Variants in GXYLT2 observed in about 807,000 individuals in gnomAD.
GXYLT2 encodes glucoside xylosyltransferase 2.
A neutral mutation model predicts 45.8 loss-of-function variants in GXYLT2; 53 were observed. The observed-to-expected ratio is 1.16, with a 90% CI of 0.93 to 1.46. GXYLT2 has a LOEUF of 1.46. Ranked by LOEUF, GXYLT2 falls within the 40% of genes most tolerant of loss-of-function variation. GXYLT2 has a pLI of 0.00. For synonymous variants in GXYLT2, 219 were observed against 214.2 expected, an observed-to-expected ratio of 1.02 and a Z score of -0.19; for missense variants, 551 against 544.4, an observed-to-expected ratio of 1.01 and a Z score of -0.12.
intron 1 of GXYLT2, among the ~76,000 whole-genome samples, chr3:72,904,096 T>C (rs570509929): frequency 2.0e-4 from 31 of 152,356 alleles, no homozygotes; most frequent in African/African-American, 7.2e-4. Flanking sequence ...TTAAAATTCC[T>C]GGACAGCAAA....
At chr3:72,949,544 G>T (rs1710476839) in intron 3 of GXYLT2, among the ~76,000 whole-genome samples, 1 of 97,406 alleles carries the variant, frequency 1.0e-5, no homozygotes, top group African/African-American at 4.1e-5. Context: ...ATGGAGTCTT[G>T]CTCCATCACC....
At chr3:72,924,600 T>C (rs1043044413) in intron 3 of GXYLT2, among the ~76,000 whole-genome samples, 1 of 152,154 alleles carries the variant, frequency 6.6e-6, no homozygotes, top group Non-Finnish European at 1.5e-5. Context: ...CTCTGGTTTA[T>C]GGCAGCGCAG....
chr3:72,959,358 T>C (rs1348405793), intron 5 of GXYLT2, among the ~76,000 whole-genome samples: 3 of 151,800 alleles, frequency 2.0e-5, no homozygotes. Context: ...CCTCATGTGA[T>C]CCACCTGCCT....
chr3:72,970,840 C>G (rs544787562), intron 6 of GXYLT2, among the ~76,000 whole-genome samples: 12 of 152,234 alleles, frequency 7.9e-5, no homozygotes, highest in African/African-American at 2.9e-4. Context: ...CCAGCCTGGG[C>G]AACAAGAGTG....
At chr3:72,909,199 G>C (rs1353800371) in intron 2 of GXYLT2, among the ~76,000 whole-genome samples, 3 of 150,584 alleles carry the variant, frequency 2.0e-5, no homozygotes, top group African/African-American at 7.3e-5. Context: ...CTCCCGAGTA[G>C]CTGTGATTAC....
At chr3:72,921,903 C>T (rs1335808083) in intron 2 of GXYLT2, among the ~76,000 whole-genome samples, 1 of 152,116 alleles carries the variant, frequency 6.6e-6, no homozygotes, top group Non-Finnish European at 1.5e-5. Context: ...CCTTGTACCT[C>T]TGTCTTTTGG....
intron 1 of GXYLT2, among the ~76,000 whole-genome samples, chr3:72,895,449 C>T (rs578200091): frequency 6.6e-6 from 1 of 152,276 alleles, no homozygotes; most frequent in South Asian, 2.1e-4. Context: ...TATGTAGCAC[C>T]TGCTTTTAAC....
At chr3:72,967,847 C>T (rs1317122693) in intron 6 of GXYLT2, 128 bp downstream of exon 6, 3 of 704,156 alleles carry the variant, frequency 4.3e-6, no homozygotes, top group South Asian at 3.6e-5. Flanking sequence ...TATTCCCGAC[C>T]TCAGTCACGC....
intron 2 of GXYLT2, among the ~76,000 whole-genome samples, chr3:72,915,596 G>A (rs143886277): frequency 0.033 from 4,991 of 152,066 alleles, 270 homozygotes; most frequent in African/African-American, 0.11. Context: ...CAGCGCTTTC[G>A]GAGGCCAAGG....
At chr3:72,964,345 C>T (rs1371617036) in intron 5 of GXYLT2, among the ~76,000 whole-genome samples, 1 of 151,274 alleles carries the variant, frequency 6.6e-6, no homozygotes, top group East Asian at 1.9e-4. Flanking sequence ...TTTTTTGAGA[C>T]AGAGTCTTGC....
intron 3 of GXYLT2, 89 bp from the exon 4 acceptor site, chr3:72,955,009 C>A: frequency 7.4e-7 from 1 of 1,349,264 alleles, no homozygotes; most frequent in Non-Finnish European, 1.0e-6. Flanking sequence ...GCATTATTTA[C>A]CTATCAGGCT....
chr3:72,902,218 T>A (rs1407893250), intron 1 of GXYLT2, among the ~76,000 whole-genome samples: 1 of 152,180 alleles, frequency 6.6e-6, no homozygotes, highest in African/African-American at 2.4e-5. Flanking sequence ...AACTTCTGGG[T>A]CATATGGTAC....
At chr3:72,909,385 A>G (rs1006079305) in intron 2 of GXYLT2, among the ~76,000 whole-genome samples, 3 of 151,428 alleles carry the variant, frequency 2.0e-5, no homozygotes, top group South Asian at 4.2e-4. Flanking sequence ...TTTTTTCCCC[A>G]TATATAGTTG....
intron 3 of GXYLT2, among the ~76,000 whole-genome samples, chr3:72,945,262 T>C (rs917906235): frequency 2.0e-5 from 3 of 151,656 alleles, no homozygotes; most frequent in African/African-American, 4.8e-5. Context: ...CACTCCAGCC[T>C]GGGCGACTGA....
At chr3:72,939,479 A>G (rs1710258068) in intron 3 of GXYLT2, among the ~76,000 whole-genome samples, 1 of 152,174 alleles carries the variant, frequency 6.6e-6, no homozygotes, top group Non-Finnish European at 1.5e-5. Context: ...AGCATTATAT[A>G]GCAACATTAT....
chr3:72,942,918 C>T (rs1352491674), intron 3 of GXYLT2, among the ~76,000 whole-genome samples: 1 of 152,040 alleles, frequency 6.6e-6, no homozygotes, highest in Non-Finnish European at 1.5e-5. Context: ...GTATTTATAC[C>T]AGGGTTAATT....
chr3:72,889,528 C>T (rs1336109999), intron 1 of GXYLT2, among the ~76,000 whole-genome samples: 3 of 152,158 alleles, frequency 2.0e-5, no homozygotes, highest in Non-Finnish European at 2.9e-5. Flanking sequence ...CAAATGGGTA[C>T]TGACAAGTTT....
intron 3 of GXYLT2, chr3:72,929,013 G>T: frequency 7.5e-7 from 1 of 1,338,848 alleles, no homozygotes; most frequent in Non-Finnish European, 1.1e-6. Flanking sequence ...GCGCCGCGCA[G>T]CCACCGCCGC....
rs1710623152 is a variant in GXYLT2, at chr3:72,955,494, A to T, written c.852+145A>T. 8.8e-6 allele frequency: 6 copies of T among 682,332 alleles called. No homozygotes were observed. The East Asian group carries it at 1.6e-4, about 19-fold the overall frequency. The allele number at this position is 682,332 out of a possible 1,614,324, so 42.3% of individuals were successfully genotyped here. ...AAGGAACCAGAGAAAAGTATTTAGA[A>T]AATTATAGAATATTTGTTTATTCAG... On this transcript the variant is annotated intron_variant, in intron 4 of 6. Transcript: ENST00000389617.
Sources: gnomAD v4.1 joint callset for allele counts (sites outside exome capture counted in the v4.1 genomes callset) on GRCh38, gnomAD v4.1.1 for gene constraint, MANE v1.5 for transcripts, NCBI Gene and HGNC (gene_info 2026-07-23, HGNC 2026-07-21) for gene names.